Variants in SMARCC1 observed in about 807,000 individuals in gnomAD.
SMARCC1 encodes SWI/SNF related BAF chromatin remodeling complex subunit C1.
Under a neutral mutation model 147.4 loss-of-function variants are expected in SMARCC1, and 43 were observed. That is an observed-to-expected ratio of 0.29 (90% confidence interval 0.23 to 0.38). The LOEUF (loss-of-function observed/expected upper bound fraction) is 0.38, where lower values mean the gene tolerates loss of function less well. Ranked by LOEUF, SMARCC1 falls within the 10% of genes least tolerant of loss-of-function variation. SMARCC1 has a pLI of 1.00. For synonymous variants in SMARCC1, 495 were observed against 484.4 expected (o/e 1.02, Z -0.29); for missense variants, 1,119 against 1,381.1 (o/e 0.81, Z 3.01).
chr3:47,684,068 G>T (rs1030380343), intron 14 of SMARCC1, among the ~76,000 whole-genome samples: 1 of 151,944 alleles, frequency 6.6e-6, no homozygotes, highest in African/African-American at 2.4e-5. Flanking sequence ...GTGAAACCCC[G>T]TCTCTACTAA....
In SMARCC1 at chr3:47,736,154, A is replaced by G. The variant is rs771427113; in HGVS notation, c.484-28T>C. The stretch of plus-strand genomic sequence containing the variant: ...GAGGATGAAAAGAACAGACTTTCAA[A>G]TTCTCTTAGTTTTGAAATAATATCA... On this transcript the variant is annotated intron_variant, in intron 4 of 27. Coordinates refer to ENST00000254480, the MANE Select transcript of SMARCC1 (RefSeq NM_003074.4). 7.9e-6 allele frequency: 10 copies of G among 1,262,066 alleles called. No homozygotes were observed. In the South Asian group the frequency reaches 1.0e-4, roughly 13 times the overall value. 78.2% of individuals were successfully genotyped at this position (1,262,066 alleles called of 1,614,324 possible). A position where few individuals can be genotyped will look rare whatever the true frequency, so the allele number is the denominator to read the frequency against.
chr3:47,650,363 T>C (rs189174182), intron 21 of SMARCC1, among the ~76,000 whole-genome samples: 3 of 150,216 alleles, frequency 2.0e-5, no homozygotes, highest in African/African-American at 7.3e-5. Flanking sequence ...TAAATAAATA[T>C]CAAAAAGTTG....
At chr3:47,605,860 G>A (rs1203125929) in intron 26 of SMARCC1, among the ~76,000 whole-genome samples, 1 of 152,156 alleles carries the variant, frequency 6.6e-6, no homozygotes, top group Non-Finnish European at 1.5e-5. Flanking sequence ...AGCCCAACTA[G>A]TCTACGGCGC....
intron 21 of SMARCC1, among the ~76,000 whole-genome samples, chr3:47,644,039 T>C (rs1450415606): frequency 6.6e-6 from 1 of 152,044 alleles, no homozygotes; most frequent in African/African-American, 2.4e-5. Context: ...AATTAAAAAT[T>C]AGCTGGGCAT....
chr3:47,603,683 G>A, intron 26 of SMARCC1: 1 of 234,938 alleles, frequency 4.3e-6, no homozygotes, highest in Non-Finnish European at 8.5e-6. Context: ...CTTAATGTAG[G>A]CATCATTTGA....
intron 11 of SMARCC1, among the ~76,000 whole-genome samples, chr3:47,697,093 GGT>G (rs1267117258): frequency 6.6e-6 from 1 of 152,110 alleles, no homozygotes; most frequent in African/African-American, 2.4e-5. Flanking sequence ...GGCTGAGGAG[GGT>G]AGATTGCTTG....
At chr3:47,687,811 A>G (rs1439808441) in intron 13 of SMARCC1, among the ~76,000 whole-genome samples, 7 of 152,200 alleles carry the variant, frequency 4.6e-5, no homozygotes, top group Admixed American at 3.9e-4. Flanking sequence ...CACCCAGGCT[A>G]GAGCACAGTG....
intron 2 of SMARCC1, among the ~76,000 whole-genome samples, chr3:47,769,186 G>A (rs1402980775): frequency 2.2e-5 from 3 of 135,002 alleles, no homozygotes; most frequent in East Asian, 2.4e-4. Context: ...ACTCCAGCCT[G>A]GATGACAGAG....
Position 47,662,445 on chromosome 3 carries a change from A to G in SMARCC1, c.2047T>C (p.Tyr683His). ...NSDASLGPLA[Y>H]QPVPFSQSGN... The stretch of plus-strand genomic sequence containing the variant: ...GACTGACTGAAGGGGACAGGCTGGT[A>G]GGCCAAAGGCCCAAGGGAAGCATCT... Residue 683 changes from tyrosine to histidine, a missense_variant, in exon 20 of 28, where the codon TAC (tyrosine) becomes CAC (histidine). This residue lies in a region of SMARCC1 where 178 missense variants were observed against 264.6 expected (regional missense o/e 0.67). Transcript: ENST00000254480. 1 of 1,614,202 alleles carries G rather than the reference A, an allele frequency of 6.2e-7. No individual in the cohort carries two copies. Among genetic ancestry groups the G allele is most frequent in the Non-Finnish European group, 8.5e-7 (1 of 1,180,026 alleles).
At chr3:47,659,759 A>AGGGG (rs1559637270) in intron 21 of SMARCC1, among the ~76,000 whole-genome samples, 2 of 26,052 alleles carry the variant, frequency 7.7e-5, no homozygotes, top group African/African-American at 2.8e-4. Flanking sequence ...AGAAAAAAAA[A>AGGGG]AGGGGGGGGG....
intron 5 of SMARCC1, 94 bp downstream of exon 5, chr3:47,735,940 C>A: frequency 3.5e-5 from 19 of 540,576 alleles, no homozygotes; most frequent in South Asian, 8.8e-5. Flanking sequence ...TCAAAAAATC[C>A]AAAACATTAC....
At chr3:47,705,653 G>C (rs1268815040) in intron 10 of SMARCC1, among the ~76,000 whole-genome samples, 1 of 152,120 alleles carries the variant, frequency 6.6e-6, no homozygotes, top group African/African-American at 2.4e-5. Flanking sequence ...GATGTCAATT[G>C]TATCTTTACA....
intron 26 of SMARCC1, among the ~76,000 whole-genome samples, chr3:47,595,536 TAAATAAATA>T (rs1474994407): frequency 4.0e-4 from 12 of 29,900 alleles, no homozygotes; most frequent in Non-Finnish European, 8.9e-4. Flanking sequence ...TCAAAATAAA[TAAATAAATA>T]AAATAAAATA....
chr3:47,719,259 T>C (rs1259989941), intron 7 of SMARCC1, among the ~76,000 whole-genome samples: 1 of 152,166 alleles, frequency 6.6e-6, no homozygotes, highest in East Asian at 1.9e-4. Flanking sequence ...ATACTCGTTA[T>C]TCATACTGTA....
chr3:47,639,193 T>A (rs914555913), intron 21 of SMARCC1, among the ~76,000 whole-genome samples: 2 of 152,180 alleles, frequency 1.3e-5, no homozygotes, highest in Non-Finnish European at 2.9e-5. Context: ...TTCATTATTA[T>A]TTAACAGATG....
intron 14 of SMARCC1, among the ~76,000 whole-genome samples, chr3:47,683,517 A>G (rs541616055): frequency 6.6e-6 from 1 of 152,310 alleles, no homozygotes; most frequent in East Asian, 1.9e-4. Flanking sequence ...TCCTTTAAAA[A>G]TAACACGGTA....
At chr3:47,683,032 G>GT (rs1327867108) in intron 14 of SMARCC1, among the ~76,000 whole-genome samples, 3 of 152,100 alleles carry the variant, frequency 2.0e-5, no homozygotes, top group Non-Finnish European at 4.4e-5. Context: ...AATAGCATTC[G>GT]TTTTTTGTTT....
chr3:47,766,641 C>T (rs1405171624), intron 2 of SMARCC1, among the ~76,000 whole-genome samples: 1 of 152,186 alleles, frequency 6.6e-6, no homozygotes. Flanking sequence ...TGCACACGTA[C>T]TAAAGCCTTG....
chr3:47,695,750 A>G lies in SMARCC1; in HGVS notation c.1166-2450T>C, dbSNP rs144890674. On this transcript the variant is annotated intron_variant, in intron 11 of 27. Coordinates refer to ENST00000254480, the MANE Select transcript of SMARCC1 (RefSeq NM_003074.4). ...TGCACTCCAGCCTGGGCAACAGAGCAAGATTCTGTCTCAAAAAAAAAAAAA... is the reference window on the plus strand; with the variant it reads ...TGCACTCCAGCCTGGGCAACAGAGCGAGATTCTGTCTCAAAAAAAAAAAAA... Among the ~76,000 whole-genome samples the G allele has an allele frequency of 9.2e-5, 13 of 141,430 alleles. No homozygotes were observed. In the East Asian group the frequency reaches 2.6e-3, roughly 29 times the overall value. The allele number at this position is 141,430 out of a possible 152,430, so 92.8% of individuals were successfully genotyped here. A position where few individuals can be genotyped will look rare whatever the true frequency, so the allele number is the denominator to read the frequency against.
Sources: gnomAD v4.1 joint callset for allele counts (sites outside exome capture counted in the v4.1 genomes callset) on GRCh38, gnomAD v4.1.1 for gene constraint, gnomAD v4.1.1 regional missense constraint, MANE v1.5 for transcripts, NCBI Gene and HGNC (gene_info 2026-07-23, HGNC 2026-07-21) for gene names.